The following ADGRB3 variants were observed in gnomAD, a reference collection of about 807,000 sequenced individuals.
ADGRB3 encodes brain-specific angiogenesis inhibitor 3.
ADGRB3 carries 37 observed loss-of-function variants against 193.4 expected under a neutral mutation model. The observed-to-expected ratio is 0.19, with a 90% CI of 0.15 to 0.25. ADGRB3 has a LOEUF of 0.25. Among genes scored for constraint, ADGRB3 ranks in the 10% least tolerant of loss-of-function variants. The pLI is 1.00. For missense variants in ADGRB3, 1,637 were observed against 1,852.9 expected (o/e 0.88, Z 2.14); for synonymous variants, 690 against 644.2 (o/e 1.07, Z -1.08).
chr6:68,997,488 C>CAAAAAAAAA (rs748557247), intron 11 of ADGRB3, among the ~76,000 whole-genome samples: 261 of 51,170 alleles, frequency 5.1e-3, no homozygotes, highest in Middle Eastern at 0.013. Flanking sequence ...ACTAAAAATA[C>CAAAAAAAAA]AAAAAAAAAA....
At chr6:69,030,005 T>TA (rs1770587648) in intron 13 of ADGRB3, among the ~76,000 whole-genome samples, 2 of 91,594 alleles carry the variant, frequency 2.2e-5, no homozygotes, top group Non-Finnish European at 4.5e-5. Flanking sequence ...CACACACACA[T>TA]ATATATATAG....
chr6:68,843,610 A>G (rs978155602), intron 3 of ADGRB3, among the ~76,000 whole-genome samples: 3 of 152,092 alleles, frequency 2.0e-5, no homozygotes, highest in Non-Finnish European at 4.4e-5. Context: ...AGCAATCTAT[A>G]GATTCAAAGT....
chr6:68,780,635 C>T (rs1766834905), intron 3 of ADGRB3, among the ~76,000 whole-genome samples: 1 of 152,106 alleles, frequency 6.6e-6, no homozygotes, highest in African/African-American at 2.4e-5. Context: ...AGGCTATAAA[C>T]TTTGTACTTC....
At chr6:69,020,011 C>T (rs181101018) in intron 13 of ADGRB3, among the ~76,000 whole-genome samples, 6 of 152,068 alleles carry the variant, frequency 3.9e-5, no homozygotes, top group Admixed American at 1.3e-4. Context: ...AGGAATCTAG[C>T]AAGATTCCAG....
chr6:68,723,089 C>A (rs1765612479), intron 3 of ADGRB3, among the ~76,000 whole-genome samples: 1 of 151,698 alleles, frequency 6.6e-6, no homozygotes, highest in South Asian at 2.1e-4. Context: ...CATATAGTGA[C>A]TTCAGTTTGT....
chr6:69,344,980 T>A (rs1370082032), intron 26 of ADGRB3, among the ~76,000 whole-genome samples: 1 of 151,634 alleles, frequency 6.6e-6, no homozygotes, highest in Non-Finnish European at 1.5e-5. Flanking sequence ...AATTATGTGA[T>A]CCTGGACCCT....
intron 21 of ADGRB3, among the ~76,000 whole-genome samples, chr6:69,325,744 G>T (rs182711762): frequency 4.9e-4 from 74 of 152,238 alleles, no homozygotes; most frequent in African/African-American, 1.7e-3. Context: ...GAGGAACCTG[G>T]GAAATTACAA....
intron 17 of ADGRB3, among the ~76,000 whole-genome samples, chr6:69,200,911 A>AT (rs1352302320): frequency 6.6e-6 from 1 of 152,164 alleles, no homozygotes; most frequent in African/African-American, 2.4e-5. Context: ...CAGAAGAAGC[A>AT]TTTAGAATCC....
chr6:69,256,351 C>T (rs1766771242), intron 20 of ADGRB3, among the ~76,000 whole-genome samples: 2 of 152,124 alleles, frequency 1.3e-5, no homozygotes, highest in Non-Finnish European at 2.9e-5. Context: ...AATGTTCTTC[C>T]ATTTGTTTGT....
At chr6:68,726,291 C>T (rs545940564) in intron 3 of ADGRB3, among the ~76,000 whole-genome samples, 4 of 151,676 alleles carry the variant, frequency 2.6e-5, no homozygotes, top group Admixed American at 2.6e-4. Context: ...TCTTCTCTGC[C>T]TTCTCAATTC....
chr6:69,303,244 A>G (rs1452014007), intron 20 of ADGRB3, among the ~76,000 whole-genome samples: 1 of 151,890 alleles, frequency 6.6e-6, no homozygotes, highest in African/African-American at 2.4e-5. Flanking sequence ...CAAATGGTGG[A>G]AGAAAAACTG....
intron 23 of ADGRB3, among the ~76,000 whole-genome samples, chr6:69,331,253 T>C (rs757852084): frequency 1.3e-5 from 2 of 152,196 alleles, no homozygotes; most frequent in Non-Finnish European, 2.9e-5. Context: ...AAAATAATTG[T>C]TTAAAATTTT....
chr6:68,944,013 T>G lies in ADGRB3; in HGVS notation c.1195+19T>G. 1 of 1,580,726 alleles carries G rather than the reference T, an allele frequency of 6.3e-7. No individual in the cohort carries two copies. The highest frequency in any genetic ancestry group is 1.2e-5 in the South Asian group (1 of 86,596). ...TGCCCAGGTGAGCCTATTCTGCATT[T>G]GGTTATGTTTGCATTATGTGCTTTT... On this transcript the variant is annotated intron_variant, in intron 6 of 31. Transcript: ENST00000370598.
At chr6:68,958,769 A>G (rs969530523) in intron 8 of ADGRB3, among the ~76,000 whole-genome samples, 1 of 152,122 alleles carries the variant, frequency 6.6e-6, no homozygotes, top group African/African-American at 2.4e-5. Context: ...ATAACCATAA[A>G]TTACTTACAA....
At position 69,330,481 on chromosome 6, in the gene ADGRB3, A is replaced by G. The variant is rs1023628554; in HGVS notation, c.3036-25A>G. 8.2e-6 allele frequency: 13 copies of G among 1,582,074 alleles called. No individual in the cohort carries two copies. In the Admixed American group the frequency reaches 1.2e-4, roughly 15 times the overall value. On this transcript the variant is annotated intron_variant, in intron 22 of 31. Coordinates refer to ENST00000370598, the MANE Select transcript of ADGRB3 (RefSeq NM_001704.3). ...CTAATACTTGTCACTAATTTTTGTT[A>G]GTTCTTATCTAATGTCATTTTCAGC...
chr6:68,682,798 A>G (rs374085065), intron 3 of ADGRB3, among the ~76,000 whole-genome samples: 1 of 148,210 alleles, frequency 6.7e-6, no homozygotes, highest in Admixed American at 6.8e-5. Context: ...TTTTTTTGAG[A>G]TGGAGTCTCC....
At chr6:68,786,196 G>T (rs1013003918) in intron 3 of ADGRB3, among the ~76,000 whole-genome samples, 2 of 152,220 alleles carry the variant, frequency 1.3e-5, no homozygotes, top group South Asian at 4.1e-4. Flanking sequence ...TGTTGCCATT[G>T]CTTTTGGTGT....
intron 3 of ADGRB3, among the ~76,000 whole-genome samples, chr6:68,890,799 T>A (rs9454636): frequency 0.78 from 118,233 of 152,100 alleles, 46,476 homozygotes; most frequent in Middle Eastern, 0.84. Flanking sequence ...TCATAGAACA[T>A]GTAGCATCAT....
At chr6:69,018,596 A>G (rs960972721) in intron 13 of ADGRB3, 97 bp downstream of exon 13, 3 of 747,896 alleles carry the variant, frequency 4.0e-6, no homozygotes, top group Non-Finnish European at 6.5e-6. Flanking sequence ...CATTATTCAT[A>G]TGTTTAACTG....
Sources: allele counts gnomAD v4.1 joint callset (sites outside exome capture counted in the v4.1 genomes callset), GRCh38; gene constraint gnomAD v4.1.1; transcripts MANE v1.5; gene names NCBI Gene and HGNC (gene_info 2026-07-23, HGNC 2026-07-21).